KIAA1958: variants seen among roughly 807,000 people sequenced by gnomAD.
KIAA1958 encodes the protein uncharacterized protein KIAA1958.
KIAA1958 carries 14 observed loss-of-function variants against 47.2 expected under a neutral mutation model. The ratio of observed to expected loss-of-function variants is 0.30; its 90% confidence interval spans 0.20 to 0.46. The LOEUF is 0.46. KIAA1958 is among the 20% of genes least tolerant of loss of function. The pLI, the probability that KIAA1958 is intolerant of heterozygous loss-of-function variation, is 1.00. For synonymous variants in KIAA1958, 354 were observed against 353.3 expected, an observed-to-expected ratio of 1.00 and a Z score of -0.02; for missense variants, 803 against 909.2, an observed-to-expected ratio of 0.88 and a Z score of 1.50.
chr9:112,499,292 G>T (rs940102968), intron 1 of KIAA1958, among the ~76,000 whole-genome samples: 1 of 152,136 alleles, frequency 6.6e-6, no homozygotes, highest in African/African-American at 2.4e-5. Flanking sequence ...GGGATTGCTG[G>T]ATTAGTATTG....
At chr9:112,492,143 C>G (rs1482491032) in intron 1 of KIAA1958, among the ~76,000 whole-genome samples, 1 of 152,240 alleles carries the variant, frequency 6.6e-6, no homozygotes, top group Middle Eastern at 3.4e-3. Flanking sequence ...GCTGCCATAA[C>G]AAAGAATCAC....
In KIAA1958 at chr9:112,659,436, C is replaced by T. The variant is rs1274291980; in HGVS notation, c.1518C>T (p.Ser506=). 6.2e-7 allele frequency: 1 copy of T among 1,614,156 alleles called. No homozygotes were observed. The highest frequency in any genetic ancestry group is 8.5e-7 in the Non-Finnish European group (1 of 1,180,006). ...TCACCAGCAGCACCTTCAGCTCCTC[C>T]ACCAAGAAACTCAAGGAGAAGCTGT... ...FSITSSTFSS[S]TKKLKEKLWV... is the part of the protein sequence containing the mutation. The change falls in exon 4 of 4, where the codon TCC becomes TCT. Residue 506 remains serine (S), a synonymous_variant. Transcript: ENST00000337530.
intron 1 of KIAA1958, among the ~76,000 whole-genome samples, chr9:112,562,959 C>G (rs1835360404): frequency 1.3e-5 from 2 of 150,310 alleles, no homozygotes; most frequent in South Asian, 4.2e-4. Context: ...AGCCACCTAG[C>G]CTTTATGAAT....
chr9:112,565,264 G>GGTTTTTT (rs1241699041), intron 1 of KIAA1958, among the ~76,000 whole-genome samples: 4 of 152,152 alleles, frequency 2.6e-5, no homozygotes, highest in African/African-American at 7.2e-5. Context: ...TGAATTTCAA[G>GGTTTTTT]GTTTTTTGTT....
In KIAA1958 at chr9:112,600,470, T is replaced by C. The variant is rs562041842; in HGVS notation, c.1171+25219T>C. Among the ~76,000 whole-genome samples the C allele has an allele frequency of 3.9e-5, 6 of 152,316 alleles. No homozygotes were observed. The East Asian group carries it at 1.2e-3, about 29-fold the overall frequency. ...AAGTAGCATTCTTAAAGGGGAGCAT[T>C]CTCTGATTCTACCCTTGTTTAGAAC... On this transcript the variant is annotated intron_variant, in intron 2 of 3. Coordinates refer to ENST00000337530, the MANE Select transcript of KIAA1958 (RefSeq NM_133465.4).
At chr9:112,591,130 C>T (rs953538187) in intron 2 of KIAA1958, among the ~76,000 whole-genome samples, 1 of 152,176 alleles carries the variant, frequency 6.6e-6, no homozygotes, top group African/African-American at 2.4e-5. Flanking sequence ...GTCGCCCAGG[C>T]TGGAGTGCTG....
chr9:112,574,559 T>A lies in KIAA1958; in HGVS notation c.479T>A (p.Phe160Tyr). The A allele has an allele frequency of 6.2e-7, 1 of 1,614,088 alleles. No homozygotes were observed. Among genetic ancestry groups the A allele is most frequent in the Non-Finnish European group, 8.5e-7 (1 of 1,180,020 alleles). ...ESSVTDEDSD[F>Y]EPQTQRPQSI... is the part of the protein sequence containing the mutation. ...TCTGTTACAGATGAGGATAGTGACT[T>A]TGAACCCCAAACCCAAAGGCCTCAA... is the stretch of plus-strand genomic sequence containing the variant. The change falls in exon 2 of 4, where the codon TTT (phenylalanine) becomes TAT (tyrosine). Residue 160 changes from phenylalanine (F) to tyrosine (Y), a missense_variant. Physicochemically the swap from Phe to Tyr is conservative, Grantham distance 22. Coordinates refer to ENST00000337530, the MANE Select transcript of KIAA1958 (RefSeq NM_133465.4).
chr9:112,569,636 T>C (rs1412598949), intron 1 of KIAA1958, among the ~76,000 whole-genome samples: 1 of 152,102 alleles, frequency 6.6e-6, no homozygotes, highest in Non-Finnish European at 1.5e-5. Context: ...TTTTTTTTTT[T>C]TTGAGACAAG....
At chr9:112,575,325 C>A in intron 2 of KIAA1958, 74 bp downstream of exon 2, 1 of 1,005,474 alleles carries the variant, frequency 9.9e-7, no homozygotes, top group Non-Finnish European at 1.4e-6. Context: ...ACTTCTAAAA[C>A]CATTCACTCA....
chr9:112,538,209 A>G (rs4979129), intron 1 of KIAA1958, among the ~76,000 whole-genome samples: 145,339 of 152,254 alleles, frequency 0.95, 69,441 homozygotes, highest in African/African-American at 0.99. Context: ...GCCAGGAGTG[A>G]TAGCATGCAT....
At chr9:112,587,307 G>A (rs1285139398) in intron 2 of KIAA1958, among the ~76,000 whole-genome samples, 3 of 152,064 alleles carry the variant, frequency 2.0e-5, no homozygotes, top group African/African-American at 7.2e-5. Flanking sequence ...GCGCCACAAT[G>A]CCTGGCTAAT....
Position 112,659,414 on chromosome 9 carries a change from C to G in KIAA1958, c.1496C>G (p.Thr499Ser), listed in dbSNP as rs1309768083. ...AATGCAGGTGTCGGCTTTTCCATCA[C>G]CAGCAGCACCTTCAGCTCCTCCACC... ...LKNAGVGFSI[T>S]SSTFSSSTKK... Residue 499 changes from threonine (T) to serine (S), a missense_variant, in exon 4 of 4, where the codon ACC becomes AGC. By Grantham distance (58) the Thr-to-Ser change is moderately conservative. Around this residue, in one of 2 missense-constraint regions of KIAA1958, gnomAD observed 761 missense variants for 829.3 expected, o/e 0.92. Transcript: ENST00000337530. 3 of 1,614,160 alleles carry G rather than the reference C, an allele frequency of 1.9e-6. No individual in the cohort carries two copies. Among genetic ancestry groups the G allele is most frequent in the Non-Finnish European group, 2.5e-6 (3 of 1,180,018 alleles).
intron 1 of KIAA1958, among the ~76,000 whole-genome samples, chr9:112,534,211 A>T (rs1309526705): frequency 6.6e-6 from 1 of 152,206 alleles, no homozygotes; most frequent in East Asian, 1.9e-4. Flanking sequence ...ATGTCTCAAG[A>T]TTACTGTTCA....
chr9:112,535,390 G>A (rs7029108), intron 1 of KIAA1958, among the ~76,000 whole-genome samples: 145,415 of 152,336 alleles, frequency 0.95, 69,478 homozygotes, highest in African/African-American at 0.99. Context: ...TATAAGATTC[G>A]TCCATGTTGT....
chr9:112,577,630 A>G (rs1333936613), intron 2 of KIAA1958, among the ~76,000 whole-genome samples: 2 of 151,382 alleles, frequency 1.3e-5, no homozygotes, highest in African/African-American at 2.4e-5. Flanking sequence ...TGTGTTGCAT[A>G]CCTTTTCACT....
chr9:112,621,136 G>A (rs191606117), intron 2 of KIAA1958, among the ~76,000 whole-genome samples: 134 of 152,272 alleles, frequency 8.8e-4, no homozygotes, highest in African/African-American at 3.1e-3. Context: ...GGGACACAGT[G>A]TCTTAACATC....
intron 1 of KIAA1958, among the ~76,000 whole-genome samples, chr9:112,516,659 G>T (rs1268675120): frequency 6.6e-6 from 1 of 152,140 alleles, no homozygotes; most frequent in African/African-American, 2.4e-5. Flanking sequence ...ATTTAAAAGA[G>T]AATAAAGTTT....
At chr9:112,646,170 G>A (rs1261243123) in intron 3 of KIAA1958, among the ~76,000 whole-genome samples, 3 of 151,798 alleles carry the variant, frequency 2.0e-5, no homozygotes, top group Non-Finnish European at 4.4e-5. Flanking sequence ...ATGTGAGGAA[G>A]AATAAAATTT....
intron 1 of KIAA1958, among the ~76,000 whole-genome samples, chr9:112,495,143 G>C (rs1321054539): frequency 6.6e-6 from 1 of 151,646 alleles, no homozygotes; most frequent in Admixed American, 6.6e-5. Flanking sequence ...TTGAATTCTT[G>C]GGCTTGTGAT....
Sources: gnomAD v4.1 joint callset for allele counts (sites outside exome capture counted in the v4.1 genomes callset) on GRCh38, gnomAD v4.1.1 for gene constraint, gnomAD v4.1.1 regional missense constraint, MANE v1.5 for transcripts, NCBI Gene and HGNC (gene_info 2026-07-23, HGNC 2026-07-21) for gene names.